Variants in SMURF1 observed in about 807,000 individuals in gnomAD.
SMURF1 encodes the protein E3 ubiquitin-protein ligase SMURF1.
In SMURF1, 44 loss-of-function variants were observed where a neutral mutation model predicts 98.0. The ratio of observed to expected loss-of-function variants is 0.45; its 90% CI spans 0.35 to 0.58. SMURF1 has a LOEUF of 0.58. Ranked by LOEUF, SMURF1 falls within the 20% of genes least tolerant of loss-of-function variation. The probability of loss-of-function intolerance (pLI) is 0.00; values close to 1 mark genes in which losing one functional copy is unlikely to be tolerated. For missense variants in SMURF1, 687 were observed against 938.4 expected (o/e 0.73, Z 3.50); for synonymous variants, 396 against 374.9 (o/e 1.06, Z -0.65).
intron 6 of SMURF1, among the ~76,000 whole-genome samples, chr7:99,054,202 G>A (rs1400146754): frequency 6.6e-6 from 1 of 152,144 alleles, no homozygotes; most frequent in African/African-American, 2.4e-5. Flanking sequence ...CTCCCAAAGT[G>A]CTGGGATTAC....
intron 11 of SMURF1, among the ~76,000 whole-genome samples, chr7:99,044,210 G>A (rs943087240): frequency 2.6e-5 from 4 of 152,118 alleles, no homozygotes; most frequent in Non-Finnish European, 4.4e-5. Flanking sequence ...TACTCAGGGG[G>A]CTGAGGCATG....
At chr7:99,095,166 G>A (rs185422166) in intron 1 of SMURF1, among the ~76,000 whole-genome samples, 31 of 152,130 alleles carry the variant, frequency 2.0e-4, no homozygotes, top group Non-Finnish European at 3.5e-4. Context: ...TGCAACCTCC[G>A]CCTCCCAGGT....
chr7:99,122,998 G>A (rs908468440), intron 1 of SMURF1, among the ~76,000 whole-genome samples: 68 of 151,958 alleles, frequency 4.5e-4, no homozygotes, highest in African/African-American at 1.6e-3. Flanking sequence ...TTCTTTCACC[G>A]AGAGAAAATG....
chr7:99,096,931 T>C (rs1417486832), intron 1 of SMURF1, among the ~76,000 whole-genome samples: 1 of 152,204 alleles, frequency 6.6e-6, no homozygotes, highest in Non-Finnish European at 1.5e-5. Context: ...ATACGATGTA[T>C]GTTCCTGACC....
intron 7 of SMURF1, 49 bp downstream of exon 7, chr7:99,052,156 A>C: frequency 6.8e-7 from 1 of 1,465,462 alleles, no homozygotes; most frequent in Non-Finnish European, 9.0e-7. Flanking sequence ...AAGTCAACTC[A>C]TGGAAACAGG....
chr7:99,083,628 G>A (rs189243481), intron 1 of SMURF1, among the ~76,000 whole-genome samples: 1 of 152,156 alleles, frequency 6.6e-6, no homozygotes, highest in South Asian at 2.1e-4. Flanking sequence ...CCTGTTTCCT[G>A]TGTTGATTCA....
chr7:99,034,968 C>T (rs1795078290), intron 16 of SMURF1, among the ~76,000 whole-genome samples: 1 of 152,240 alleles, frequency 6.6e-6, no homozygotes, highest in South Asian at 2.1e-4. Context: ...AACGTACCCT[C>T]CAAACCCTAA....
At chr7:99,116,927 A>C (rs1015081547) in intron 1 of SMURF1, among the ~76,000 whole-genome samples, 7 of 152,244 alleles carry the variant, frequency 4.6e-5, no homozygotes, top group Non-Finnish European at 1.0e-4. Context: ...GGGGACTCAC[A>C]CTTCCTATTT....
At chr7:99,042,280 CA>C in intron 11 of SMURF1, 48 bp from the exon 12 acceptor site, 1 of 1,372,142 alleles carries the variant, frequency 7.3e-7, no homozygotes, top group Admixed American at 1.9e-5. Context: ...AAAATTTCTA[CA>C]TTTTTTTTTT....
intron 1 of SMURF1, among the ~76,000 whole-genome samples, chr7:99,072,784 A>G (rs1796357693): frequency 6.6e-6 from 1 of 152,204 alleles, no homozygotes; most frequent in South Asian, 2.1e-4. Context: ...TTTCTTTCCT[A>G]TTTATCATTT....
In SMURF1 at chr7:99,033,056, G is replaced by A. The variant is rs1366702796; in HGVS notation, c.2077C>T (p.Leu693Phe). 1.9e-6 allele frequency: 3 copies of A among 1,595,570 alleles called. No homozygotes were observed. Among genetic ancestry groups the A allele is most frequent in the South Asian group, 1.1e-5 (1 of 88,930 alleles). The part of the protein sequence containing the change: ...IHLIDANTDN[L>F]PKAHTCFNRI... ...GCTTACCAGGTATGGGCCTTCGGAA[G>A]GTTGTCTGTGTTCGCGTCTATCAGG... The change falls in exon 17 of 18, where the codon CTT becomes TTT. Residue 693 changes from leucine to phenylalanine, a missense_variant. By Grantham distance (22) the Leu-to-Phe change is conservative. Coordinates refer to ENST00000361368, the MANE Select transcript of SMURF1 (RefSeq NM_181349.3).
intron 8 of SMURF1, 120 bp downstream of exon 8, chr7:99,051,237 A>G (rs1178565576): frequency 2.7e-5 from 25 of 913,578 alleles, no homozygotes; most frequent in Admixed American, 7.3e-5. Flanking sequence ...CCAGACATCA[A>G]TATCATCTCA....
At chr7:99,131,748 G>A (rs1006439992) in intron 1 of SMURF1, among the ~76,000 whole-genome samples, 3 of 152,020 alleles carry the variant, frequency 2.0e-5, no homozygotes, top group Non-Finnish European at 4.4e-5. Flanking sequence ...GAGGAAAAGA[G>A]GCCCTTTCTG....
chr7:99,037,793 G>A (rs1326377489), intron 14 of SMURF1, among the ~76,000 whole-genome samples: 1 of 152,246 alleles, frequency 6.6e-6, no homozygotes, highest in Non-Finnish European at 1.5e-5. Flanking sequence ...GCTCACGCCT[G>A]CAATGCCAGC....
Position 99,035,775 on chromosome 7 carries a change from G to A in SMURF1, c.1810-59C>T, listed in dbSNP as rs922881637. The A allele has an allele frequency of 1.9e-5, 29 of 1,521,172 alleles. No homozygotes were observed. The African/African-American group carries it at 1.9e-4, about 10-fold the overall frequency. The allele number at this position is 1,521,172 out of a possible 1,614,324, so 94.2% of individuals were successfully genotyped here. ...AATGCATAAACCCACGTCAGGATGC[G>A]CCTCCTAGGTACCCGACACACAACA... On this transcript the variant is annotated intron_variant, in intron 15 of 17. Coordinates refer to ENST00000361368, the MANE Select transcript of SMURF1 (RefSeq NM_181349.3).
chr7:99,063,063 T>G (rs759158239), intron 1 of SMURF1, among the ~76,000 whole-genome samples: 39 of 151,352 alleles, frequency 2.6e-4, no homozygotes, highest in Middle Eastern at 3.4e-3. Context: ...TTTAAGAATA[T>G]TATGTTTTAT....
intron 14 of SMURF1, 124 bp from the exon 15 acceptor site, chr7:99,037,311 C>A: frequency 8.4e-7 from 1 of 1,197,382 alleles, no homozygotes; most frequent in Non-Finnish European, 1.2e-6. Context: ...AATCTCGGCT[C>A]ACTGCAACCT....
intron 1 of SMURF1, among the ~76,000 whole-genome samples, chr7:99,131,416 G>A (rs1020256493): frequency 1.3e-5 from 2 of 151,804 alleles, no homozygotes; most frequent in African/African-American, 2.4e-5. Flanking sequence ...CAACCACCAA[G>A]ACTACAAGGA....
At chr7:99,059,151 G>A (rs1795956798) in intron 3 of SMURF1, among the ~76,000 whole-genome samples, 1 of 151,810 alleles carries the variant, frequency 6.6e-6, no homozygotes, top group Non-Finnish European at 1.5e-5. Flanking sequence ...TGTAATCCCA[G>A]CACTTTGGGA....
Sources: allele counts gnomAD v4.1 joint callset (sites outside exome capture counted in the v4.1 genomes callset), GRCh38; gene constraint gnomAD v4.1.1; transcripts MANE v1.5; gene names NCBI Gene and HGNC (gene_info 2026-07-23, HGNC 2026-07-21).